Variants in ARL15 observed in about 807,000 individuals in gnomAD.
ARL15 encodes the protein ADP-ribosylation factor-like protein 15.
A neutral mutation model predicts 25.2 loss-of-function variants in ARL15; 19 were observed. The ratio of observed to expected loss-of-function variants is 0.75; its 90% CI spans 0.53 to 1.10. ARL15 has a LOEUF of 1.10. ARL15 is among the 50% of genes least tolerant of loss of function. ARL15 has a pLI of 0.00. For synonymous variants in ARL15, 94 were observed against 86.8 expected, an observed-to-expected ratio of 1.08 and a Z score of -0.46; for missense variants, 220 against 246.0, an observed-to-expected ratio of 0.89 and a Z score of 0.71.
chr5:53,952,844 T>A (rs1397434203), intron 4 of ARL15, among the ~76,000 whole-genome samples: 1 of 152,166 alleles, frequency 6.6e-6, no homozygotes, highest in Non-Finnish European at 1.5e-5. Context: ...TCAAGGTGTG[T>A]TTAAGTATGT....
chr5:53,936,157 C>T (rs1390151569), intron 4 of ARL15, among the ~76,000 whole-genome samples: 1 of 152,156 alleles, frequency 6.6e-6, no homozygotes, highest in Non-Finnish European at 1.5e-5. Flanking sequence ...CATAATGAAA[C>T]TATATCTATC....
intron 4 of ARL15, among the ~76,000 whole-genome samples, chr5:53,943,008 TG>T (rs1431902220): frequency 4.6e-5 from 7 of 151,784 alleles, no homozygotes; most frequent in Admixed American, 2.6e-4. Context: ...GGGGAGGAAA[TG>T]GAGGCAACAA....
chr5:53,942,812 G>A (rs1212958944), intron 4 of ARL15, among the ~76,000 whole-genome samples: 2 of 152,088 alleles, frequency 1.3e-5, no homozygotes, highest in African/African-American at 2.4e-5. Flanking sequence ...GAGTGTAGGT[G>A]GAGAAGAGAT....
At chr5:54,198,372 G>C (rs1311915965) in intron 1 of ARL15, among the ~76,000 whole-genome samples, 1 of 152,122 alleles carries the variant, frequency 6.6e-6, no homozygotes, top group Non-Finnish European at 1.5e-5. Flanking sequence ...GTTTGCAGAC[G>C]ACACAATTGG....
intron 4 of ARL15, among the ~76,000 whole-genome samples, chr5:53,980,719 A>T (rs1369292825): frequency 6.6e-6 from 1 of 152,238 alleles, no homozygotes; most frequent in South Asian, 2.1e-4. Context: ...AGATTACAGC[A>T]TTGAATCTTA....
chr5:53,970,118 T>C (rs1747688874), intron 4 of ARL15, among the ~76,000 whole-genome samples: 1 of 152,106 alleles, frequency 6.6e-6, no homozygotes, highest in African/African-American at 2.4e-5. Flanking sequence ...TCCCCCCAAA[T>C]GATATCAAAT....
intron 4 of ARL15, among the ~76,000 whole-genome samples, chr5:54,020,555 C>T (rs1749565831): frequency 6.6e-6 from 1 of 152,126 alleles, no homozygotes; most frequent in Non-Finnish European, 1.5e-5. Flanking sequence ...CAGAAGGTCT[C>T]AAAAAGATCC....
chr5:54,266,701 A>G (rs78692095), intron 1 of ARL15, among the ~76,000 whole-genome samples: 2 of 152,356 alleles, frequency 1.3e-5, no homozygotes, highest in Non-Finnish European at 2.9e-5. Context: ...CAATTAATCT[A>G]AAGAACAAAG....
chr5:54,097,097 A>G (rs1400031613), intron 4 of ARL15, among the ~76,000 whole-genome samples: 3 of 152,048 alleles, frequency 2.0e-5, no homozygotes, highest in Non-Finnish European at 4.4e-5. Flanking sequence ...ACAGTGGCTC[A>G]TGAGGTCAAG....
chr5:54,229,661 T>G (rs1756615508), intron 1 of ARL15, among the ~76,000 whole-genome samples: 1 of 152,212 alleles, frequency 6.6e-6, no homozygotes, highest in African/African-American at 2.4e-5. Flanking sequence ...TTGTCCTAGC[T>G]TCTTCCAATT....
At chr5:54,094,863 C>T (rs1467956476) in intron 4 of ARL15, among the ~76,000 whole-genome samples, 1 of 152,178 alleles carries the variant, frequency 6.6e-6, no homozygotes, top group Non-Finnish European at 1.5e-5. Flanking sequence ...CCTATATATA[C>T]ATCAATAATC....
intron 4 of ARL15, among the ~76,000 whole-genome samples, chr5:54,106,427 TAC>T (rs989529935): frequency 5.9e-5 from 9 of 152,152 alleles, no homozygotes; most frequent in African/African-American, 1.7e-4. Context: ...TCAAACAAAA[TAC>T]AGTTATCCCT....
At chr5:54,059,340 G>A (rs945348988) in intron 4 of ARL15, among the ~76,000 whole-genome samples, 3 of 152,168 alleles carry the variant, frequency 2.0e-5, no homozygotes, top group African/African-American at 7.2e-5. Context: ...GAAGTGAGAC[G>A]ACCTTGAGAA....
At chr5:54,300,868 G>C (rs1758597914) in intron 1 of ARL15, among the ~76,000 whole-genome samples, 1 of 152,112 alleles carries the variant, frequency 6.6e-6, no homozygotes, top group Non-Finnish European at 1.5e-5. Flanking sequence ...CAAACTTTCA[G>C]AGTTTCCATG....
chr5:53,921,730 C>A (rs2112019055), intron 4 of ARL15, among the ~76,000 whole-genome samples: 1 of 152,240 alleles, frequency 6.6e-6, no homozygotes, highest in South Asian at 2.1e-4. Context: ...CGAGATTGTG[C>A]CACTGCACTC....
intron 4 of ARL15, among the ~76,000 whole-genome samples, chr5:54,041,721 T>A (rs1397246641): frequency 1.3e-5 from 2 of 152,212 alleles, no homozygotes; most frequent in Non-Finnish European, 2.9e-5. Flanking sequence ...AGATGGCATC[T>A]TTCATTTCAT....
intron 4 of ARL15, among the ~76,000 whole-genome samples, chr5:54,012,574 G>C (rs1321577484): frequency 4.0e-5 from 6 of 151,006 alleles, no homozygotes; most frequent in Non-Finnish European, 8.8e-5. Flanking sequence ...GCCCAGGTTG[G>C]AGTGCAACAG....
At chr5:54,113,179 G>C (rs778149105) in intron 4 of ARL15, 23 bp downstream of exon 4, 2 of 1,609,202 alleles carry the variant, frequency 1.2e-6, no homozygotes, top group African/African-American at 1.3e-5. Context: ...AAGACAAAGA[G>C]TTGTCATGCT....
chr5:54,144,510 C>T (rs954276696), intron 3 of ARL15, among the ~76,000 whole-genome samples: 3 of 152,158 alleles, frequency 2.0e-5, no homozygotes, highest in Non-Finnish European at 2.9e-5. Flanking sequence ...TTCATGAATA[C>T]ATCTCTCTGA....
Sources: gnomAD v4.1 joint callset for allele counts (sites outside exome capture counted in the v4.1 genomes callset) on GRCh38, gnomAD v4.1.1 for gene constraint, MANE v1.5 for transcripts, NCBI Gene and HGNC (gene_info 2026-07-23, HGNC 2026-07-21) for gene names.